The following MAD1L1 variants were observed in gnomAD, a reference collection of about 807,000 sequenced individuals.
MAD1L1 encodes the protein mitotic spindle assembly checkpoint protein MAD1.
In MAD1L1, 95 loss-of-function variants were observed where a neutral mutation model predicts 96.9. That is an observed-to-expected ratio of 0.98 (90% CI 0.83 to 1.16). The LOEUF is 1.16. MAD1L1 is among the 50% of genes most tolerant of loss of function. The pLI is 0.00. For missense variants in MAD1L1, 1,007 were observed against 954.4 expected (o/e 1.06, Z -0.73); for synonymous variants, 473 against 396.6 (o/e 1.19, Z -2.29).
intron 18 of MAD1L1, among the ~76,000 whole-genome samples, chr7:1,870,576 GCCTGCCACGCTGAACCCACCGTAACA>G (rs1785010703): frequency 2.4e-5 from 3 of 127,362 alleles, no homozygotes; most frequent in Middle Eastern, 5.4e-3. Context: ...CCCAACATAC[GCCTGCCACGCTGAACCCACCGTAACA>G]CCTGCCACGC....
Position 2,222,772 on chromosome 7 carries a change from G to A in MAD1L1, c.292-18C>T, listed in dbSNP as rs1186483694. 6.4e-7 allele frequency: 1 copy of A among 1,568,048 alleles called. No homozygotes were observed. The highest frequency in any genetic ancestry group is 1.8e-5 in the Admixed American group (1 of 56,488). On this transcript the variant is annotated intron_variant, in intron 4 of 18. Coordinates refer to ENST00000265854, the MANE Select transcript of MAD1L1 (RefSeq NM_001013836.2). ...ACCTCACGCTGTTAAGAGAGCAAGA[G>A]TCAGATGCCACGTGCCGCCCACGGG...
intron 10 of MAD1L1, among the ~76,000 whole-genome samples, chr7:2,149,793 A>G (rs1789481196): frequency 6.6e-6 from 1 of 152,218 alleles, no homozygotes; most frequent in Admixed American, 6.5e-5. Flanking sequence ...TCAAAGTTCA[A>G]AGTGCACCCC....
rs1296940058 is a variant in MAD1L1, at chr7:1,968,827, AAAACT to A, written c.1506-11113_1506-11109del. ...GAGGTCAGGAGAAGCGAGGAAAGAC[AAAACT>A]GTCACCGACCAGCGGCAGAAGAGAT... On this transcript the variant is annotated intron_variant, in intron 15 of 18. Transcript: ENST00000265854. This position sits in a 1 kb window ranked among gnomAD's most constrained non-coding sequence, Gnocchi z 5.6. Among the ~76,000 whole-genome samples the A allele has an allele frequency of 1.7e-4, 26 of 152,260 alleles. No homozygotes were observed. Among genetic ancestry groups the A allele is most frequent in the Non-Finnish European group, 3.1e-4 (21 of 68,034 alleles).
intron 14 of MAD1L1, among the ~76,000 whole-genome samples, chr7:1,984,807 T>A (rs1781068690): frequency 6.6e-6 from 1 of 152,254 alleles, no homozygotes; most frequent in South Asian, 2.1e-4. Flanking sequence ...TGTGTCTATT[T>A]CTGTTGTATT....
chr7:1,960,003 GAATA>G (rs1389621754), intron 15 of MAD1L1, among the ~76,000 whole-genome samples: 3 of 152,102 alleles, frequency 2.0e-5, no homozygotes, highest in Non-Finnish European at 4.4e-5. Context: ...TTAATATATA[GAATA>G]AATAAAATGT....
chr7:1,823,056 A>G (rs1482075812), intron 18 of MAD1L1, among the ~76,000 whole-genome samples: 2 of 152,046 alleles, frequency 1.3e-5, no homozygotes, highest in African/African-American at 2.4e-5. Flanking sequence ...AAATCAATCA[A>G]TGTAATCTGC....
chr7:1,867,177 G>A (rs1034564425), intron 18 of MAD1L1, among the ~76,000 whole-genome samples: 1 of 152,212 alleles, frequency 6.6e-6, no homozygotes, highest in Non-Finnish European at 1.5e-5. Flanking sequence ...CAGTGCCACA[G>A]ACATGGGCAC....
At chr7:2,044,948 G>A (rs1783855554) in intron 12 of MAD1L1, among the ~76,000 whole-genome samples, 1 of 152,210 alleles carries the variant, frequency 6.6e-6, no homozygotes, top group Non-Finnish European at 1.5e-5. Context: ...CTGATGAGCA[G>A]CAGCAACCAT....
chr7:2,003,481 G>A (rs1781896090), intron 13 of MAD1L1, among the ~76,000 whole-genome samples: 1 of 152,102 alleles, frequency 6.6e-6, no homozygotes. Flanking sequence ...GGCCCAGCCA[G>A]AGCCAGGCTC....
intron 12 of MAD1L1, among the ~76,000 whole-genome samples, chr7:2,015,191 T>C (rs945048525): frequency 5.3e-5 from 8 of 152,208 alleles, no homozygotes; most frequent in African/African-American, 1.7e-4. Context: ...AGGAAGCTGC[T>C]GCGTTCCAAT....
chr7:1,890,680 G>A (rs986976666), intron 18 of MAD1L1, among the ~76,000 whole-genome samples: 5 of 152,324 alleles, frequency 3.3e-5, no homozygotes, highest in Middle Eastern at 3.4e-3. Context: ...CAGGTATGTC[G>A]GGGAGAGGAG....
intron 18 of MAD1L1, among the ~76,000 whole-genome samples, chr7:1,894,573 C>T (rs989701388): frequency 1.3e-5 from 2 of 152,168 alleles, no homozygotes; most frequent in Admixed American, 6.5e-5. Flanking sequence ...GAGACTGAAA[C>T]TTGGGGAGGT....
intron 14 of MAD1L1, among the ~76,000 whole-genome samples, chr7:1,983,148 GCGCGCGCACACA>G (rs56784131): frequency 0.24 from 9,948 of 41,178 alleles, 390 homozygotes; most frequent in Non-Finnish European, 0.3. Flanking sequence ...GCGCGCGCGC[GCGCGCGCACACA>G]CACACACACA....
rs772307884 is a variant in MAD1L1, at chr7:1,898,379, G to A, written c.1819C>T (p.Gln607Ter). The part of the protein sequence containing the change: ...SSKEVAELKK[Q>*]VESAELKNQR... ...TTCTTCAGCTCGGCACTCTCCACCT[G>A]CTTCTTCAGCTCTGCGGGAGGGACG... Residue 607 changes from glutamine (Q) to a stop codon, truncating the protein, a stop_gained, in exon 18 of 19, where the codon CAG (glutamine) becomes TAG (stop). Transcript: ENST00000265854. LOFTEE classifies it high-confidence loss of function. 4 of 1,613,856 alleles carry A rather than the reference G, an allele frequency of 2.5e-6. No homozygotes were observed. Among genetic ancestry groups the A allele is most frequent in the Non-Finnish European group, 3.4e-6 (4 of 1,179,928 alleles).
chr7:2,018,831 C>G lies in MAD1L1; in HGVS notation c.1219-4189G>C, dbSNP rs529405677. Among the ~76,000 whole-genome samples the G allele has an allele frequency of 2.0e-5, 3 of 152,280 alleles. No homozygotes were observed. The East Asian group carries it at 5.8e-4, about 29-fold the overall frequency. On this transcript the variant is annotated intron_variant, in intron 12 of 18. Coordinates refer to ENST00000265854, the MANE Select transcript of MAD1L1 (RefSeq NM_001013836.2). ...GAGCCTGCCTCCCTCCCTCCGCCCC[C>G]TCCAGCCCAAGGCCGAGGCCCACTC... is the stretch of plus-strand genomic sequence containing the variant.
Position 2,158,540 on chromosome 7 carries a change from T to C in MAD1L1, c.987-9302A>G, listed in dbSNP as rs188801456. ...AACACAACCCAAGCGACACAGGCTG[T>C]CTCTGCAGGGCTTGTTTTGCGAAAA... On this transcript the variant is annotated intron_variant, in intron 10 of 18. Transcript: ENST00000265854. Among the ~76,000 whole-genome samples, 33 of 152,344 alleles carry C rather than the reference T, an allele frequency of 2.2e-4. No individual in the cohort carries two copies. In the East Asian group the frequency reaches 6.4e-3, roughly 29 times the overall value.
chr7:1,868,563 G>C (rs1351043544), intron 18 of MAD1L1, among the ~76,000 whole-genome samples: 2 of 149,322 alleles, frequency 1.3e-5, no homozygotes, highest in African/African-American at 2.4e-5. Context: ...GTCCCTCCAG[G>C]GATGGAGCAT....
intron 12 of MAD1L1, among the ~76,000 whole-genome samples, chr7:2,040,210 A>G (rs953052317): frequency 1.4e-4 from 21 of 152,328 alleles, no homozygotes; most frequent in African/African-American, 4.8e-4. Flanking sequence ...CTGACTCAAG[A>G]GAAACACAGA....
intron 11 of MAD1L1, among the ~76,000 whole-genome samples, chr7:2,096,930 CCACCCACAGGCGGG>C (rs1786523887): frequency 1.3e-5 from 2 of 152,162 alleles, no homozygotes; most frequent in Non-Finnish European, 2.9e-5. Context: ...CTCCAGGCTG[CCACCCACAGGCGGG>C]CACCCTCCAG....
Sources: gnomAD v4.1 joint callset for allele counts (sites outside exome capture counted in the v4.1 genomes callset) on GRCh38, gnomAD v4.1.1 for gene constraint, Gnocchi (gnomAD v3.1) non-coding constraint, MANE v1.5 for transcripts, NCBI Gene and HGNC (gene_info 2026-07-23, HGNC 2026-07-21) for gene names.